The following CCDC91 variants were observed in gnomAD, a reference collection of about 807,000 sequenced individuals.
CCDC91 encodes the protein coiled-coil domain containing 91, also known as coiled-coil domain-containing protein 91.
A neutral mutation model predicts 63.2 loss-of-function variants in CCDC91; 48 were observed. The ratio of observed to expected loss-of-function variants is 0.76; its 90% CI spans 0.60 to 0.97. The LOEUF (loss-of-function observed/expected upper bound fraction) is 0.97, where lower values mean the gene tolerates loss of function less well. Among genes scored for constraint, CCDC91 ranks in the 50% least tolerant of loss-of-function variants. The pLI is 0.00. For synonymous variants in CCDC91, 167 were observed against 165.8 expected (o/e 1.01, Z -0.06); for missense variants, 500 against 494.6 (o/e 1.01, Z -0.10).
At chr12:28,355,583 A>G (rs944487050) in intron 6 of CCDC91, among the ~76,000 whole-genome samples, 3 of 152,126 alleles carry the variant, frequency 2.0e-5, no homozygotes, top group East Asian at 1.9e-4. Context: ...CTCACCACCA[A>G]TTTCTTTCCT....
intron 1 of CCDC91, among the ~76,000 whole-genome samples, chr12:28,218,461 A>G (rs1228368237): frequency 9.8e-6 from 1 of 102,432 alleles, no homozygotes; most frequent in Non-Finnish European, 2.2e-5. Context: ...GGAAGACAAA[A>G]TTAAAAAAAA....
At chr12:28,511,312 G>A (rs553397213) in intron 12 of CCDC91, among the ~76,000 whole-genome samples, 2 of 151,848 alleles carry the variant, frequency 1.3e-5, no homozygotes, top group East Asian at 2.0e-4. Context: ...ATCAGATCAC[G>A]GCATTCCCAT....
chr12:28,524,494 C>T (rs1162095944), intron 12 of CCDC91, among the ~76,000 whole-genome samples: 1 of 152,050 alleles, frequency 6.6e-6, no homozygotes, highest in Admixed American at 6.6e-5. Context: ...TTGTTGGATT[C>T]AGTTAGCTAG....
chr12:28,426,714 C>T (rs1565954151), intron 8 of CCDC91, among the ~76,000 whole-genome samples: 2 of 152,072 alleles, frequency 1.3e-5, no homozygotes, highest in African/African-American at 2.4e-5. Flanking sequence ...TGCATATTGT[C>T]TGCTTTTTCC....
At chr12:28,221,203 G>A (rs1364905566) in intron 1 of CCDC91, among the ~76,000 whole-genome samples, 30 of 151,526 alleles carry the variant, frequency 2.0e-4, no homozygotes, top group Non-Finnish European at 2.9e-5. Context: ...CATCTTTTAT[G>A]TTTTTTGTTT....
chr12:28,408,228 TGTG>T (rs1329987900), intron 8 of CCDC91, among the ~76,000 whole-genome samples: 2 of 152,070 alleles, frequency 1.3e-5, no homozygotes, highest in Non-Finnish European at 2.9e-5. Context: ...GGTGAGAACA[TGTG>T]GTGTTTGGTT....
chr12:28,491,008 A>T (rs1951971900), intron 12 of CCDC91, among the ~76,000 whole-genome samples: 1 of 151,860 alleles, frequency 6.6e-6, no homozygotes, highest in Admixed American at 6.6e-5. Flanking sequence ...AGCAAGGAAT[A>T]TAAAATACGT....
chr12:28,397,852 A>T (rs1442501358), intron 8 of CCDC91, among the ~76,000 whole-genome samples: 1 of 152,118 alleles, frequency 6.6e-6, no homozygotes, highest in Non-Finnish European at 1.5e-5. Flanking sequence ...ATCTTTTATT[A>T]AAAAAGAAAA....
intron 1 of CCDC91, 90 bp from the exon 2 acceptor site, chr12:28,257,112 A>G: frequency 5.3e-6 from 4 of 749,206 alleles, no homozygotes; most frequent in Non-Finnish European, 4.5e-6. Context: ...TCTAATTTAC[A>G]AATAAATATG....
chr12:28,472,044 C>G (rs1950846803), intron 11 of CCDC91, among the ~76,000 whole-genome samples: 1 of 152,208 alleles, frequency 6.6e-6, no homozygotes, highest in Admixed American at 6.5e-5. Flanking sequence ...AGCCACCACG[C>G]CCGGCCCATT....
chr12:28,524,983 C>G (rs1399210542), intron 12 of CCDC91, among the ~76,000 whole-genome samples: 1 of 152,096 alleles, frequency 6.6e-6, no homozygotes, highest in South Asian at 2.1e-4. Context: ...TGGATGTTCT[C>G]TCTTCTTTTC....
chr12:28,289,752 C>T (rs191330503), intron 3 of CCDC91, among the ~76,000 whole-genome samples: 2,812 of 131,370 alleles, frequency 0.021, 98 homozygotes, highest in African/African-American at 0.077. Context: ...AGTGCAGTGG[C>T]GCGATCTCGG....
At chr12:28,371,288 A>C (rs540039759) in intron 7 of CCDC91, among the ~76,000 whole-genome samples, 1 of 152,132 alleles carries the variant, frequency 6.6e-6, no homozygotes, top group Non-Finnish European at 1.5e-5. Flanking sequence ...CAGTGGCATT[A>C]TATTCTCATA....
chr12:28,394,242 C>T (rs542903369), intron 8 of CCDC91, among the ~76,000 whole-genome samples: 1 of 152,098 alleles, frequency 6.6e-6, no homozygotes, highest in East Asian at 1.9e-4. Context: ...CACGGCGGGC[C>T]GATCACAAGG....
intron 8 of CCDC91, among the ~76,000 whole-genome samples, chr12:28,444,434 A>G (rs1165596214): frequency 3.3e-5 from 5 of 152,206 alleles, no homozygotes; most frequent in African/African-American, 7.2e-5. Context: ...CATTTGGAGA[A>G]TAGTACCAAT....
intron 8 of CCDC91, among the ~76,000 whole-genome samples, chr12:28,423,788 T>G (rs1329886983): frequency 6.6e-6 from 1 of 152,116 alleles, no homozygotes; most frequent in Non-Finnish European, 1.5e-5. Context: ...AATTTAATTG[T>G]GTGTAATTGA....
In CCDC91 at chr12:28,322,127, G is replaced by A. The variant is rs1940568303; in HGVS notation, c.576+14378G>A. ...TAGGAAAATAATGAATTTACTTTTAGCTATAGATACAGTGTAGAAAGCATT... is the reference window on the plus strand; with the variant it reads ...TAGGAAAATAATGAATTTACTTTTAACTATAGATACAGTGTAGAAAGCATT... On this transcript the variant is annotated intron_variant, in intron 6 of 12. Coordinates refer to ENST00000536442, the MANE Select transcript of CCDC91 (RefSeq NM_018318.5). 3.3e-5 allele frequency among the ~76,000 whole-genome samples: 5 copies of A among 151,748 alleles called. No individual in the cohort carries two copies. In the South Asian group the frequency reaches 8.3e-4, roughly 25 times the overall value.
chr12:28,405,944 T>G (rs1321269815), intron 8 of CCDC91, among the ~76,000 whole-genome samples: 1 of 143,202 alleles, frequency 7.0e-6, no homozygotes, highest in Non-Finnish European at 1.6e-5. Flanking sequence ...TAGTATGTTT[T>G]GTAAAAAAAA....
intron 7 of CCDC91, among the ~76,000 whole-genome samples, chr12:28,371,693 A>G (rs988790007): frequency 2.6e-5 from 4 of 152,234 alleles, no homozygotes; most frequent in African/African-American, 7.2e-5. Context: ...TTCTGCATCC[A>G]TGAATTGAAC....
Sources: allele counts gnomAD v4.1 joint callset (sites outside exome capture counted in the v4.1 genomes callset), GRCh38; gene constraint gnomAD v4.1.1; transcripts MANE v1.5; gene names NCBI Gene and HGNC (gene_info 2026-07-23, HGNC 2026-07-21).